RHBDD3: variants seen among roughly 807,000 people sequenced by gnomAD.
RHBDD3 encodes rhomboid domain containing 3, also known as rhomboid domain-containing protein 3.
A neutral mutation model predicts 32.3 loss-of-function variants in RHBDD3; 34 were observed. That is an observed-to-expected ratio of 1.05 (90% CI 0.80 to 1.40). The LOEUF (loss-of-function observed/expected upper bound fraction) is 1.40. Ranked by LOEUF, RHBDD3 falls within the 40% of genes most tolerant of loss-of-function variation. The probability of loss-of-function intolerance (pLI) is 0.00; values close to 1 mark genes in which losing one functional copy is unlikely to be tolerated. For synonymous variants in RHBDD3, 249 were observed against 239.1 expected, an observed-to-expected ratio of 1.04 and a Z score of -0.38; for missense variants, 482 against 492.6, an observed-to-expected ratio of 0.98 and a Z score of 0.20.
Position 29,260,591 on chromosome 22 carries a change from AAGGCGGTCC to A in RHBDD3, c.709_717del (p.Gly237_Pro239del). The A allele has an allele frequency of 6.3e-7, 1 of 1,597,324 alleles. No individual in the cohort carries two copies. The highest frequency in any genetic ancestry group is 1.7e-5 in the Admixed American group (1 of 58,180). ...GACCAGAGGTCAGGGGAGGCCACAT[AAGGCGGTCC>A]AGGGATGGGAGGCCTGGAGGAGTGG... On this transcript the variant is annotated inframe_deletion, in exon 6 of 7. Coordinates refer to ENST00000216085, the MANE Select transcript of RHBDD3 (RefSeq NM_012265.3).
intron 4 of RHBDD3, among the ~76,000 whole-genome samples, chr22:29,263,587 A>T (rs183553249): frequency 3.9e-5 from 6 of 152,150 alleles, no homozygotes; most frequent in African/African-American, 1.2e-4. Flanking sequence ...TTCTGCGAAG[A>T]ATGGCATTGA....
At chr22:29,260,281 C>T (rs767498167) in intron 6 of RHBDD3, 44 bp from the exon 7 acceptor site, 9 of 1,605,950 alleles carry the variant, frequency 5.6e-6, no homozygotes, top group Admixed American at 1.7e-5. Context: ...AGGGCCACCC[C>T]GGCCCCTATA....
intron 2 of RHBDD3, among the ~76,000 whole-genome samples, chr22:29,266,801 C>T (rs945225635): frequency 2.6e-5 from 4 of 152,236 alleles, no homozygotes; most frequent in African/African-American, 9.6e-5. Context: ...CCCTGCCAAG[C>T]GCCTTCTCCA....
At position 29,263,808 on chromosome 22, in the gene RHBDD3, C is replaced by T. The variant is rs2231395; in HGVS notation, c.532+27G>A. 4.7e-3 allele frequency: 7,036 copies of T among 1,489,642 alleles called. 286 individuals are homozygous for T. In the African/African-American group the frequency reaches 0.089, roughly 19 times the overall value. The allele number at this position is 1,489,642 out of a possible 1,614,324, so 92.3% of individuals were successfully genotyped here. On this transcript the variant is annotated intron_variant, in intron 4 of 6. Transcript: ENST00000216085. ...CACCCACAGAACCCACACATCCCCA[C>T]GGGCCCTGGGCTCAGGCAAAGGATA...
chr22:29,263,958 T>G lies in RHBDD3; in HGVS notation c.409A>C (p.Arg137=). ...AMLAGEGHRP[R]RPRGALPPWL... ...GGTGGCAGTGCCCCACGGGGCCGTC[T>G]AGGGCGGTGTCCCTCCCCAGCCAGC... Residue 137 remains arginine, a synonymous_variant, in exon 4 of 7, where the codon AGA becomes CGA. Coordinates refer to ENST00000216085, the MANE Select transcript of RHBDD3 (RefSeq NM_012265.3). The G allele has an allele frequency of 2.6e-6, 4 of 1,550,646 alleles. No homozygotes were observed. In the South Asian group the frequency reaches 4.8e-5, roughly 18 times the overall value.
At chr22:29,263,782 C>T (rs573979480) in intron 4 of RHBDD3, 53 bp downstream of exon 4, 3 of 1,463,416 alleles carry the variant, frequency 2.0e-6, no homozygotes, top group South Asian at 2.8e-5. Flanking sequence ...TCCCAGGCAC[C>T]CACCCACAGA....
In RHBDD3 at chr22:29,259,941, C is replaced by T; in HGVS notation, c.*119G>A. 1 of 1,047,060 alleles carries T rather than the reference C, an allele frequency of 9.6e-7. No homozygotes were observed. The highest frequency in any genetic ancestry group is 1.6e-5 in the African/African-American group (1 of 62,644). 64.9% of individuals were successfully genotyped at this position (1,047,060 alleles called of 1,614,324 possible). On this transcript the variant is annotated 3_prime_UTR_variant, in exon 7 of 7. Coordinates refer to ENST00000216085, the MANE Select transcript of RHBDD3 (RefSeq NM_012265.3). The stretch of plus-strand genomic sequence containing the variant: ...CATGCTGGGGGGCCTCTCCTGCCTC[C>T]AGAGGTGCCCCTGCTCCCCACTGTG...
Position 29,264,180 on chromosome 22 carries a change from GGGCCGTGT to G in RHBDD3, c.179_186del (p.His60ProfsTer75). 1 of 1,573,268 alleles carries G rather than the reference GGGCCGTGT, an allele frequency of 6.4e-7. No homozygotes were observed. The highest frequency in any genetic ancestry group is 1.3e-5 in the African/African-American group (1 of 74,408). On this transcript the variant is annotated frameshift_variant, in exon 4 of 7. Transcript: ENST00000216085. LOFTEE classifies it high-confidence loss of function. ...AGCAGGCTCAGGAGCAGGCCTGGCA[GGGCCGTGT>G]GGCCCAGGGCATGGGTCAGCAGCCG...
intron 4 of RHBDD3, 46 bp downstream of exon 4, chr22:29,263,789 C>A: frequency 1.4e-6 from 2 of 1,468,584 alleles, no homozygotes; most frequent in Non-Finnish European, 9.1e-7. Flanking sequence ...CACCCACCCA[C>A]AGAACCCACA....
In RHBDD3 at chr22:29,264,064, C is replaced by T; in HGVS notation, c.303G>A (p.Gly101=). 6.3e-7 allele frequency: 1 copy of T among 1,578,266 alleles called. No homozygotes were observed. Among genetic ancestry groups the T allele is most frequent in the Non-Finnish European group, 8.6e-7 (1 of 1,163,034 alleles). Residue 101 remains glycine (G), a synonymous_variant, in exon 4 of 7, where the codon GGG becomes GGA. Coordinates refer to ENST00000216085, the MANE Select transcript of RHBDD3 (RefSeq NM_012265.3). ...HASALLALAS[G]LLAVLLAGLG... ...GGCCTGCCAGCAGCACTGCCAGCAGCCCAGAAGCCAGGGCGAGCAGGGCTG... is the reference window on the plus strand; with the variant it reads ...GGCCTGCCAGCAGCACTGCCAGCAGTCCAGAAGCCAGGGCGAGCAGGGCTG...
rs2058149534 is a variant in RHBDD3 at position 29,264,026 on chromosome 22, C to T, written c.341G>A (p.Ser114Asn). The T allele has an allele frequency of 1.9e-6, 3 of 1,558,924 alleles. No individual in the cohort carries two copies. The highest frequency in any genetic ancestry group is 1.9e-5 in the Admixed American group (1 of 51,608). ...CATGTATCCACAGCTGCCGGCTGCA[C>T]TGGACAGCCCAAGGCCTGCCAGCAG... is the stretch of plus-strand genomic sequence containing the variant. ...AVLLAGLGLS[S>N]AAGSCGYMPV... The change falls in exon 4 of 7, where the codon AGT (serine) becomes AAT (asparagine). Residue 114 changes from serine (S) to asparagine (N), a missense_variant. Coordinates refer to ENST00000216085, the MANE Select transcript of RHBDD3 (RefSeq NM_012265.3).
At position 29,260,352 on chromosome 22, in the gene RHBDD3, C is replaced by T. The variant is rs2058096999; in HGVS notation, c.957G>A (p.Leu319=). 1.2e-6 allele frequency: 2 copies of T among 1,610,242 alleles called. No individual in the cohort carries two copies. The highest frequency in any genetic ancestry group is 1.1e-5 in the South Asian group (1 of 90,552). Residue 319 remains leucine, a synonymous_variant, in exon 6 of 7, where the codon CTG becomes CTA. Transcript: ENST00000216085. ...GCAGAGAGGAGACAGAGGACTTGGA[C>T]AGCCATGGTGCGCTCTGGGGTTCCT... ...PAQEPQSAPW[L]SKSSVSSLRL...
rs148811620 is a variant in RHBDD3, at chr22:29,260,823, G to A, written c.574C>T (p.Arg192Trp). The change falls in exon 5 of 7, where the codon CGG becomes TGG. Residue 192 changes from arginine to tryptophan, a missense_variant. Physicochemically the swap from Arg to Trp is moderately radical, Grantham distance 101. Coordinates refer to ENST00000216085, the MANE Select transcript of RHBDD3 (RefSeq NM_012265.3). ...AFRWLEPSER[R>W]LQVLQEGVLC... is the part of the protein sequence containing the mutation. The stretch of plus-strand genomic sequence containing the variant: ...ACGCCCTCCTGCAGCACCTGCAGCC[G>A]TCGCTCTGAGGGTTCCAGCCACCGG... The A allele has an allele frequency of 5.5e-4, 882 of 1,605,572 alleles. 6 individuals carry two copies. The South Asian group carries it at 6.1e-3, about 11-fold the overall frequency.
In RHBDD3 at chr22:29,260,629, G is replaced by A; in HGVS notation, c.696-16C>T. ...GATGGGAGGCCTGGAGGAGTGGGAA[G>A]AGAAGAGGGCCTGACTGGCAGCCCT... On this transcript the variant is annotated splice_polypyrimidine_tract_variant and intron_variant, in intron 5 of 6. Coordinates refer to ENST00000216085, the MANE Select transcript of RHBDD3 (RefSeq NM_012265.3). The A allele has an allele frequency of 1.3e-6, 2 of 1,575,988 alleles. No individual in the cohort carries two copies. The highest frequency in any genetic ancestry group is 1.7e-6 in the Non-Finnish European group (2 of 1,159,998).
At position 29,260,442 on chromosome 22, in the gene RHBDD3, C is replaced by G; in HGVS notation, c.867G>C (p.Trp289Cys). 6.2e-7 allele frequency: 1 copy of G among 1,611,210 alleles called. No individual in the cohort carries two copies. The highest frequency in any genetic ancestry group is 8.5e-7 in the Non-Finnish European group (1 of 1,179,380). Reference sequence around the variant, plus strand: ...GCAGCATCTGCTCATCCAAGGCCGCCCACATCGGAGTCCCTGGGGAGAAGC... The same window carrying G: ...GCAGCATCTGCTCATCCAAGGCCGCGCACATCGGAGTCCCTGGGGAGAAGC... Reference protein sequence around the residue: ...GASFSPGTPMWAALDEQMLQE... With the variant: ...GASFSPGTPMCAALDEQMLQE... The change falls in exon 6 of 7, where the codon TGG (tryptophan) becomes TGC (cysteine). Residue 289 changes from tryptophan to cysteine, a missense_variant. Transcript: ENST00000216085.
rs1323213608 is a variant in RHBDD3, at chr22:29,260,382, T to C, written c.927A>G (p.Pro309=). Residue 309 remains proline, a synonymous_variant, in exon 6 of 7, where the codon CCA becomes CCG. Coordinates refer to ENST00000216085, the MANE Select transcript of RHBDD3 (RefSeq NM_012265.3). ...ATGGTGCGCTCTGGGGTTCCTGGGC[T>C]GGCCCGTCAAGAAGCGAGGCCTGGA... ...EGIQASLLDG[P]AQEPQSAPWL... is the part of the protein sequence containing the mutation. The C allele has an allele frequency of 6.2e-7, 1 of 1,612,582 alleles. No individual in the cohort carries two copies. The highest frequency in any genetic ancestry group is 1.7e-5 in the Admixed American group (1 of 59,910).
rs1270973675 is a variant in RHBDD3, at chr22:29,260,791, G to A, written c.606C>T (p.Cys202=). 2 of 1,606,356 alleles carry A rather than the reference G, an allele frequency of 1.2e-6. No individual in the cohort carries two copies. Among genetic ancestry groups the A allele is most frequent in the Non-Finnish European group, 1.7e-6 (2 of 1,177,460 alleles). The change falls in exon 5 of 7, where the codon TGC becomes TGT. Residue 202 remains cysteine, a synonymous_variant. Coordinates refer to ENST00000216085, the MANE Select transcript of RHBDD3 (RefSeq NM_012265.3). The part of the protein sequence containing the change: ...RLQVLQEGVL[C]RTLAGCWPLR... ...GGGGCCAGCACCCCGCCAAGGTCCT[G>A]CACAAGACGCCCTCCTGCAGCACCT...
intron 4 of RHBDD3, among the ~76,000 whole-genome samples, chr22:29,263,254 A>G (rs1159304788): frequency 1.3e-5 from 2 of 152,274 alleles, no homozygotes; most frequent in African/African-American, 2.4e-5. Context: ...CATGTTGGCC[A>G]GGCTAGTCTC....
rs1382943865 is a variant in RHBDD3, at chr22:29,260,183, C to G, written c.1038G>C (p.Leu346=). ...GFPTEQAVVA[L]AATGRVEGAV... ...CACCCTCCACACGGCCTGTGGCTGCCAGTGCCACCACCGCCTGCTCCGTAG... is the reference window on the plus strand; with the variant it reads ...CACCCTCCACACGGCCTGTGGCTGCGAGTGCCACCACCGCCTGCTCCGTAG... The change falls in exon 7 of 7, where the codon CTG becomes CTC. Residue 346 remains leucine, a synonymous_variant. Coordinates refer to ENST00000216085, the MANE Select transcript of RHBDD3 (RefSeq NM_012265.3). 6.3e-7 allele frequency: 1 copy of G among 1,591,614 alleles called. No individual in the cohort carries two copies. Among genetic ancestry groups the G allele is most frequent in the Non-Finnish European group, 8.6e-7 (1 of 1,169,442 alleles).
Sources: gnomAD v4.1 joint callset for allele counts (sites outside exome capture counted in the v4.1 genomes callset) on GRCh38, gnomAD v4.1.1 for gene constraint, MANE v1.5 for transcripts, NCBI Gene and HGNC (gene_info 2026-07-23, HGNC 2026-07-21) for gene names.